Variants in CCNJ observed in about 807,000 individuals in gnomAD.
The protein encoded by CCNJ is cyclin-J.
In CCNJ, 12 loss-of-function variants were observed where a neutral mutation model predicts 41.4. The ratio of observed to expected loss-of-function variants is 0.29; its 90% CI spans 0.19 to 0.47. The LOEUF is 0.47. Among genes scored for constraint, CCNJ ranks in the 20% least tolerant of loss-of-function variants. The probability of loss-of-function intolerance (pLI) is 1.00; values close to 1 mark genes in which losing one functional copy is unlikely to be tolerated. For missense variants in CCNJ, 340 were observed against 464.6 expected, an observed-to-expected ratio of 0.73 and a Z score of 2.47; for synonymous variants, 161 against 173.4, an observed-to-expected ratio of 0.93 and a Z score of 0.56.
rs367842715 is a variant in CCNJ at position 96,057,811 on chromosome 10, C to G, written c.741-19C>G. 6.2e-7 allele frequency: 1 copy of G among 1,601,894 alleles called. No individual in the cohort carries two copies. The highest frequency in any genetic ancestry group is 8.5e-7 in the Non-Finnish European group (1 of 1,172,852). On this transcript the variant is annotated intron_variant, in intron 5 of 5. Transcript: ENST00000465148. ...CTCAAGCAGTATTTTTAATAGTTTC[C>G]TTTCTCTCCACGTTTCAGCGCTCAT...
At position 96,060,338 on chromosome 10, in the gene CCNJ, TGTTA is replaced by T. The variant is rs774666995; in HGVS notation, c.*2098_*2101del. 41 of 152,786 alleles carry T rather than the reference TGTTA, an allele frequency of 2.7e-4. No homozygotes were observed. The highest frequency in any genetic ancestry group is 4.1e-4 in the South Asian group (2 of 4,826). 9.5% of individuals were successfully genotyped at this position (152,786 alleles called of 1,614,324 possible). ...TATTGATTGGTTTATATGCCATTCT[TGTTA>T]TAGAAGAATATGCCTTTTAAAAAAG... On this transcript the variant is annotated 3_prime_UTR_variant, in exon 6 of 6. Coordinates refer to ENST00000465148, the MANE Select transcript of CCNJ (RefSeq NM_001134375.2).
rs1030264397 is a variant in CCNJ, at chr10:96,060,343, T to C, written c.*2102T>C. ...ATTGGTTTATATGCCATTCTTGTTA[T>C]AGAAGAATATGCCTTTTAAAAAAGC... On this transcript the variant is annotated 3_prime_UTR_variant, in exon 6 of 6. Transcript: ENST00000465148. 6.5e-5 allele frequency: 10 copies of C among 152,680 alleles called. No homozygotes were observed. Among genetic ancestry groups the C allele is most frequent in the African/African-American group, 2.2e-4 (9 of 41,564 alleles). The allele number at this position is 152,680 out of a possible 1,614,324, so 9.5% of individuals were successfully genotyped here. A position where few individuals can be genotyped will look rare whatever the true frequency, so the allele number is the denominator to read the frequency against.
chr10:96,054,108 C>T (rs760512335), intron 3 of CCNJ, among the ~76,000 whole-genome samples: 3 of 152,264 alleles, frequency 2.0e-5, no homozygotes, highest in Non-Finnish European at 4.4e-5. Context: ...ACATATCCTA[C>T]AAAGGAAAGA....
Position 96,058,008 on chromosome 10 carries a change from G to A in CCNJ, c.919G>A (p.Glu307Lys), listed in dbSNP as rs1161812363. The A allele has an allele frequency of 7.4e-6, 12 of 1,614,116 alleles. No homozygotes were observed. Among genetic ancestry groups the A allele is most frequent in the African/African-American group, 1.3e-5 (1 of 74,990 alleles). ...TSLQYRHPTS[E>K]QPSCQQIVST... ...ACTGCAGTATCGCCATCCTACGTCA[G>A]AACAACCAAGCTGTCAGCAGATTGT... Residue 307 changes from glutamate to lysine, a missense_variant, in exon 6 of 6, where the codon GAA (glutamate) becomes AAA (lysine). Physicochemically the swap from Glu to Lys is moderately conservative, Grantham distance 56. Transcript: ENST00000465148.
chr10:96,047,381 T>C (rs1167478870), intron 2 of CCNJ, among the ~76,000 whole-genome samples: 1 of 152,212 alleles, frequency 6.6e-6, no homozygotes, highest in Non-Finnish European at 1.5e-5. Context: ...GCATGGTGGC[T>C]CACACCTGTA....
At chr10:96,046,215 G>GC (rs1234742929) in intron 2 of CCNJ, among the ~76,000 whole-genome samples, 2 of 152,204 alleles carry the variant, frequency 1.3e-5, no homozygotes, top group Admixed American at 1.3e-4. Flanking sequence ...GTAGCACAGG[G>GC]TGTGAAGGAA....
rs562724924 is a variant in CCNJ, at chr10:96,054,065, T to C, written c.281-2636T>C. ...ACATACCTACTATTCACTGCTGGCT[T>C]TGAAAATGTGTTGGTTTCCATGGCT... On this transcript the variant is annotated intron_variant, in intron 3 of 5. Transcript: ENST00000465148. 7.2e-5 allele frequency among the ~76,000 whole-genome samples: 11 copies of C among 152,310 alleles called. No individual in the cohort carries two copies. The South Asian group carries it at 2.3e-3, about 32-fold the overall frequency.
intron 3 of CCNJ, among the ~76,000 whole-genome samples, chr10:96,052,947 C>G (rs564524067): frequency 2.0e-5 from 3 of 152,312 alleles, no homozygotes; most frequent in South Asian, 4.1e-4. Flanking sequence ...GAGGTTAGCC[C>G]TTAGTAGGCA....
In CCNJ at chr10:96,049,904, G is replaced by A. The variant is rs530354998; in HGVS notation, c.70-352G>A. ...GAGCATCTTGGAGAGGTGTAGGGGC[G>A]TGTGTGTGGTATGTGGTTGGTTTGT... On this transcript the variant is annotated intron_variant, in intron 2 of 5. Transcript: ENST00000465148. Among the ~76,000 whole-genome samples the A allele has an allele frequency of 7.2e-5, 11 of 152,140 alleles. No individual in the cohort carries two copies. In the South Asian group the frequency reaches 8.3e-4, roughly 12 times the overall value.
intron 2 of CCNJ, among the ~76,000 whole-genome samples, chr10:96,049,545 T>A (rs12768772): frequency 0.12 from 17,336 of 149,266 alleles, 1,096 homozygotes; most frequent in Middle Eastern, 0.17. Flanking sequence ...CCCTGTTACT[T>A]CTTCTATTGT....
intron 3 of CCNJ, among the ~76,000 whole-genome samples, chr10:96,055,592 G>T (rs61858615): frequency 0.05 from 7,540 of 152,296 alleles, 261 homozygotes; most frequent in Middle Eastern, 0.085. Context: ...AAAGTAAAGT[G>T]TAAGATGGTA....
chr10:96,056,483 A>G (rs1359334213), intron 3 of CCNJ, among the ~76,000 whole-genome samples: 1 of 152,052 alleles, frequency 6.6e-6, no homozygotes, highest in Admixed American at 6.6e-5. Context: ...ATGTTTATGT[A>G]TTTCAAGCAT....
chr10:96,046,531 G>T (rs1276216197), intron 2 of CCNJ, among the ~76,000 whole-genome samples: 1 of 152,146 alleles, frequency 6.6e-6, no homozygotes, highest in Non-Finnish European at 1.5e-5. Context: ...ATCATGCCAG[G>T]TGTTAGAGCA....
Position 96,050,410 on chromosome 10 carries a change from A to G in CCNJ, c.224A>G (p.Tyr75Cys). 1 of 1,614,124 alleles carries G rather than the reference A, an allele frequency of 6.2e-7. No homozygotes were observed. Among genetic ancestry groups the G allele is most frequent in the Non-Finnish European group, 8.5e-7 (1 of 1,180,006 alleles). ...VYLLDLFMDR[Y>C]DISIQQLHLV... is the part of the protein sequence containing the mutation. Reference sequence around the variant, plus strand: ...TTACTGGACCTGTTTATGGACCGCTATGACATCTCTATCCAGCAGCTGCAT... The same window carrying G: ...TTACTGGACCTGTTTATGGACCGCTGTGACATCTCTATCCAGCAGCTGCAT... Residue 75 changes from tyrosine to cysteine, a missense_variant, in exon 3 of 6, where the codon TAT (tyrosine) becomes TGT (cysteine). Around this residue, in one of 3 missense-constraint regions of CCNJ, gnomAD observed 137 missense variants for 252.9 expected, o/e 0.54. Coordinates refer to ENST00000465148, the MANE Select transcript of CCNJ (RefSeq NM_001134375.2).
intron 3 of CCNJ, among the ~76,000 whole-genome samples, chr10:96,055,090 T>G (rs918639429): frequency 2.6e-5 from 4 of 152,226 alleles, no homozygotes; most frequent in Non-Finnish European, 4.4e-5. Context: ...ACCACTTTAG[T>G]GCTTTCAACT....
Position 96,044,376 on chromosome 10 carries a change from G to A in CCNJ, c.-18G>A. Reference sequence around the variant, plus strand: ...AGACTCGAGTTGCCGCGTCGGGCTGGGCGCGCCGCCGGGTCCCATGGAGCT... The same window carrying A: ...AGACTCGAGTTGCCGCGTCGGGCTGAGCGCGCCGCCGGGTCCCATGGAGCT... On this transcript the variant is annotated 5_prime_UTR_variant, in exon 2 of 6. Coordinates refer to ENST00000465148, the MANE Select transcript of CCNJ (RefSeq NM_001134375.2). The A allele has an allele frequency of 6.6e-7, 1 of 1,515,652 alleles. No homozygotes were observed. The allele number at this position is 1,515,652 out of a possible 1,614,324, so 93.9% of individuals were successfully genotyped here. A position where few individuals can be genotyped will look rare whatever the true frequency, so the allele number is the denominator to read the frequency against.
intron 2 of CCNJ, among the ~76,000 whole-genome samples, chr10:96,046,371 G>C (rs1034646967): frequency 1.3e-5 from 2 of 152,184 alleles, no homozygotes; most frequent in Non-Finnish European, 2.9e-5. Flanking sequence ...TGTGGAACTG[G>C]AGAGACCACT....
Position 96,058,936 on chromosome 10 carries a change from A to T in CCNJ, c.*695A>T, listed in dbSNP as rs1437822772. 3 of 154,384 alleles carry T rather than the reference A, an allele frequency of 1.9e-5. No individual in the cohort carries two copies. The East Asian group carries it at 5.7e-4, about 29-fold the overall frequency. 9.6% of individuals were successfully genotyped at this position (154,384 alleles called of 1,614,324 possible). The stretch of plus-strand genomic sequence containing the variant: ...CCTAAGTGATCAACATCAAATTTTT[A>T]GAATTAAAATACATTTAACTCAGGG... On this transcript the variant is annotated 3_prime_UTR_variant, in exon 6 of 6. Coordinates refer to ENST00000465148, the MANE Select transcript of CCNJ (RefSeq NM_001134375.2).
chr10:96,044,591 C>T, intron 2 of CCNJ, 129 bp downstream of exon 2: 1 of 655,604 alleles, frequency 1.5e-6, no homozygotes, highest in Non-Finnish European at 2.3e-6. Context: ...CGAGTTTGCT[C>T]ATTTGCTCAA....
Sources: gnomAD v4.1 joint callset for allele counts (sites outside exome capture counted in the v4.1 genomes callset) on GRCh38, gnomAD v4.1.1 for gene constraint, gnomAD v4.1.1 regional missense constraint, MANE v1.5 for transcripts, NCBI Gene and HGNC (gene_info 2026-07-23, HGNC 2026-07-21) for gene names.